Variants in ABTB3 observed in about 807,000 individuals in gnomAD.
ABTB3 encodes the protein ankyrin repeat- and BTB/POZ domain-containing protein 3.
the ABTB3 span, among the ~76,000 whole-genome samples, chr12:107,351,808 A>G: frequency 1.3e-5 from 2 of 152,174 alleles, no homozygotes; most frequent in African/African-American, 4.8e-5. Context: ...AACACAAAAC[A>G]GACTAAGACA....
the ABTB3 span, among the ~76,000 whole-genome samples, chr12:107,518,497 G>C: frequency 2.0e-5 from 3 of 150,700 alleles, no homozygotes; most frequent in African/African-American, 2.4e-5. Flanking sequence ...GAAAACTATC[G>C]CAAGGACAGA....
At chr12:107,651,803 C>G in the ABTB3 span, 2 of 1,602,104 alleles carry the variant, frequency 1.2e-6, no homozygotes, top group East Asian at 2.2e-5. Context: ...CAATCTCATT[C>G]TCGCGCAGTG....
the ABTB3 span, among the ~76,000 whole-genome samples, chr12:107,537,859 G>T: frequency 6.6e-6 from 1 of 152,180 alleles, no homozygotes; most frequent in South Asian, 2.1e-4. Context: ...CTGATGTGTA[G>T]CCACCACTTC....
At chr12:107,564,720 A>G in the ABTB3 span, among the ~76,000 whole-genome samples, 1 of 152,258 alleles carries the variant, frequency 6.6e-6, no homozygotes, top group Admixed American at 6.5e-5. Flanking sequence ...ACCAGTAAGG[A>G]GCAAGCATGG....
At chr12:107,319,739 GGCTCGGGCTCCGGCCCAGGCCCGA>G in the ABTB3 span, 1 of 1,526,138 alleles carries the variant, frequency 6.6e-7, no homozygotes, top group Admixed American at 2.0e-5. Flanking sequence ...CCCTGGGTCA[GGCTCGGGCTCCGGCCCAGGCCCGA>G]GCTCGGGCCC....
chr12:107,387,482 G>A, the ABTB3 span, among the ~76,000 whole-genome samples: 2 of 152,168 alleles, frequency 1.3e-5, no homozygotes, highest in African/African-American at 2.4e-5. Context: ...GGCAATCCAG[G>A]CAAAGTCTTT....
the ABTB3 span, among the ~76,000 whole-genome samples, chr12:107,383,953 C>T: frequency 1.3e-5 from 2 of 152,318 alleles, no homozygotes; most frequent in South Asian, 4.1e-4. Flanking sequence ...AGCACCCATC[C>T]AAGCATGGCT....
At chr12:107,442,711 G>A in the ABTB3 span, among the ~76,000 whole-genome samples, 27 of 152,280 alleles carry the variant, frequency 1.8e-4, no homozygotes, top group Admixed American at 4.6e-4. Context: ...GGCCCAGGGG[G>A]ACTCTTAAGT....
chr12:107,404,808 T>C, the ABTB3 span, among the ~76,000 whole-genome samples: 2 of 152,130 alleles, frequency 1.3e-5, no homozygotes, highest in Admixed American at 1.3e-4. Flanking sequence ...CTCTCCTCAC[T>C]CCAGGCCTTA....
At chr12:107,418,581 A>G in the ABTB3 span, among the ~76,000 whole-genome samples, 45 of 152,238 alleles carry the variant, frequency 3.0e-4, no homozygotes, top group East Asian at 1.2e-3. Context: ...CTTATCCACC[A>G]CACAGTAGGT....
the ABTB3 span, among the ~76,000 whole-genome samples, chr12:107,507,971 CA>C: frequency 2.0e-5 from 3 of 152,216 alleles, no homozygotes; most frequent in Non-Finnish European, 4.4e-5. Context: ...TATTCCACTA[CA>C]TTGAGAGTTT....
the ABTB3 span, among the ~76,000 whole-genome samples, chr12:107,620,598 GA>G: frequency 6.6e-6 from 1 of 152,150 alleles, no homozygotes; most frequent in Non-Finnish European, 1.5e-5. Flanking sequence ...TGGACGATAG[GA>G]ATCGGTAGGA....
the ABTB3 span, among the ~76,000 whole-genome samples, chr12:107,482,951 T>G: frequency 2.3e-5 from 1 of 43,580 alleles, no homozygotes; most frequent in Non-Finnish European, 4.6e-5. Context: ...TTTCTTTCTT[T>G]CTTTCTTTCT....
chr12:107,531,870 A>T, the ABTB3 span, among the ~76,000 whole-genome samples: 1 of 152,090 alleles, frequency 6.6e-6, no homozygotes, highest in Non-Finnish European at 1.5e-5. Flanking sequence ...CATCTCCCAC[A>T]TCCACTCAGA....
At chr12:107,360,806 T>G in the ABTB3 span, among the ~76,000 whole-genome samples, 1 of 152,142 alleles carries the variant, frequency 6.6e-6, no homozygotes, top group East Asian at 1.9e-4. Context: ...CAGGCTGGAA[T>G]GCAGTGACAT....
At chr12:107,503,106 T>C in the ABTB3 span, among the ~76,000 whole-genome samples, 1 of 152,124 alleles carries the variant, frequency 6.6e-6, no homozygotes, top group Non-Finnish European at 1.5e-5. Context: ...AAGGAAACCA[T>C]GGGCAAGAGC....
the ABTB3 span, among the ~76,000 whole-genome samples, chr12:107,462,674 A>G: frequency 6.6e-6 from 1 of 151,590 alleles, no homozygotes; most frequent in Non-Finnish European, 1.5e-5. Context: ...GGTGATAGTG[A>G]TGATGATGGT....
the ABTB3 span, among the ~76,000 whole-genome samples, chr12:107,537,967 T>G: frequency 6.6e-6 from 1 of 152,138 alleles, no homozygotes; most frequent in Admixed American, 6.5e-5. Flanking sequence ...CTTGGAAGAC[T>G]CTGACCTCCC....
At chr12:107,459,980 G>C in the ABTB3 span, among the ~76,000 whole-genome samples, 4 of 152,208 alleles carry the variant, frequency 2.6e-5, no homozygotes, top group Non-Finnish European at 5.9e-5. Context: ...GTAAGAAAAG[G>C]AGCCTGAAGC....
Sources: gnomAD v4.1 joint callset for allele counts (sites outside exome capture counted in the v4.1 genomes callset) on GRCh38, gnomAD v4.1.1 for gene constraint, MANE v1.5 for transcripts, NCBI Gene and HGNC (gene_info 2026-07-23, HGNC 2026-07-21) for gene names.